The following ANO10 variants were observed in gnomAD, a reference collection of about 807,000 sequenced individuals.
ANO10 encodes the protein anoctamin 10, also known as anoctamin-10.
In ANO10, 77 loss-of-function variants were observed where a neutral mutation model predicts 74.7. The ratio of observed to expected loss-of-function variants is 1.03; its 90% confidence interval spans 0.86 to 1.25. The LOEUF (loss-of-function observed/expected upper bound fraction) is 1.25. Ranked by LOEUF, ANO10 falls within the 50% of genes most tolerant of loss-of-function variation. The pLI is 0.00. For missense variants in ANO10, 721 were observed against 778.1 expected (o/e 0.93, Z 0.87); for synonymous variants, 279 against 284.9 (o/e 0.98, Z 0.21).
At chr3:43,385,259 A>G (rs1160584195) in intron 12 of ANO10, among the ~76,000 whole-genome samples, 1 of 152,190 alleles carries the variant, frequency 6.6e-6, no homozygotes, top group Non-Finnish European at 1.5e-5. Context: ...AATAAAAAGT[A>G]ATAAATGTTG....
intron 11 of ANO10, among the ~76,000 whole-genome samples, chr3:43,510,248 G>C (rs1280803943): frequency 3.3e-5 from 5 of 152,016 alleles, no homozygotes; most frequent in African/African-American, 1.2e-4. Context: ...TGGCCAACAT[G>C]GTGAAACCCC....
chr3:43,489,565 T>C (rs1270114046), intron 11 of ANO10, among the ~76,000 whole-genome samples: 1 of 151,980 alleles, frequency 6.6e-6, no homozygotes, highest in African/African-American at 2.4e-5. Context: ...CCTTGGCCCT[T>C]AGGGTGACCA....
At chr3:43,393,954 C>G (rs957292742) in intron 12 of ANO10, among the ~76,000 whole-genome samples, 1 of 152,084 alleles carries the variant, frequency 6.6e-6, no homozygotes, top group African/African-American at 2.4e-5. Context: ...ATTTTTCTGC[C>G]CTATACATAA....
rs781638196 is a variant in ANO10 at position 43,598,513 on chromosome 3, G to C, written c.472+19C>G. The C allele has an allele frequency of 8.7e-6, 14 of 1,611,800 alleles. No individual in the cohort carries two copies. The highest frequency in any genetic ancestry group is 3.3e-4 in the Middle Eastern group (2 of 6,072). ...ATTTATGTCTATTAAGAAAAAGACT[G>C]GTTGACATAATGACTTACACAATGA... is the stretch of plus-strand genomic sequence containing the variant. On this transcript the variant is annotated intron_variant, in intron 4 of 12. Transcript: ENST00000292246.
chr3:43,396,619 G>A (rs774273781), intron 12 of ANO10, among the ~76,000 whole-genome samples: 3 of 152,078 alleles, frequency 2.0e-5, no homozygotes, highest in African/African-American at 7.2e-5. Flanking sequence ...TTACAGGTAT[G>A]AGCCACCGCA....
At chr3:43,375,132 A>C (rs1479668986) in intron 12 of ANO10, among the ~76,000 whole-genome samples, 4 of 150,620 alleles carry the variant, frequency 2.7e-5, no homozygotes, top group African/African-American at 9.8e-5. Flanking sequence ...AAAAAAAAAC[A>C]AACAACAAAA....
intron 11 of ANO10, among the ~76,000 whole-genome samples, chr3:43,543,326 G>A (rs1308854650): frequency 6.6e-6 from 1 of 152,168 alleles, no homozygotes; most frequent in East Asian, 1.9e-4. Context: ...ACCTGGAAAG[G>A]CTCAGTTCAT....
chr3:43,557,975 C>T (rs2079840391), intron 9 of ANO10, among the ~76,000 whole-genome samples: 1 of 151,178 alleles, frequency 6.6e-6, no homozygotes, highest in African/African-American at 2.4e-5. Flanking sequence ...CATGATGGTA[C>T]ATGCCTGTAG....
At chr3:43,423,878 T>C (rs2092857899) in intron 12 of ANO10, among the ~76,000 whole-genome samples, 1 of 152,138 alleles carries the variant, frequency 6.6e-6, no homozygotes, top group East Asian at 1.9e-4. Context: ...TACTACCTCA[T>C]TGTTATTACA....
intron 3 of ANO10, among the ~76,000 whole-genome samples, chr3:43,599,187 T>C (rs2082224847): frequency 6.6e-6 from 1 of 152,178 alleles, no homozygotes; most frequent in Admixed American, 6.5e-5. Flanking sequence ...TTAAATAAGG[T>C]AAATTTCCTC....
chr3:43,629,070 G>A (rs60422479), intron 1 of ANO10, among the ~76,000 whole-genome samples: 3,343 of 152,188 alleles, frequency 0.022, 108 homozygotes, highest in African/African-American at 0.075. Context: ...CTGGTTTTGC[G>A]GCTTGTGGGG....
intron 9 of ANO10, among the ~76,000 whole-genome samples, chr3:43,557,699 C>T (rs2079822618): frequency 7.2e-6 from 1 of 138,800 alleles, no homozygotes. Context: ...CGCACCACTG[C>T]ACTCCAGCCT....
chr3:43,490,903 AG>A (rs2149116471), intron 11 of ANO10, among the ~76,000 whole-genome samples: 1 of 152,282 alleles, frequency 6.6e-6, no homozygotes, highest in South Asian at 2.1e-4. Context: ...TGCCAGGGAA[AG>A]GCAGTCTCCT....
intron 12 of ANO10, among the ~76,000 whole-genome samples, chr3:43,404,881 A>AAG (rs2092548715): frequency 6.6e-6 from 1 of 150,886 alleles, no homozygotes; most frequent in African/African-American, 2.4e-5. Context: ...TGTCTCAAAA[A>AAG]AAAAAAAAAA....
At chr3:43,439,779 G>GA (rs2093131767) in intron 11 of ANO10, among the ~76,000 whole-genome samples, 1 of 152,092 alleles carries the variant, frequency 6.6e-6, no homozygotes, top group African/African-American at 2.4e-5. Context: ...TACTCGGGAG[G>GA]CTGGGGTGGG....
At chr3:43,549,921 T>A in intron 10 of ANO10, 73 bp from the exon 11 acceptor site, 1 of 1,556,966 alleles carries the variant, frequency 6.4e-7, no homozygotes, top group Non-Finnish European at 8.8e-7. Flanking sequence ...TTTCATGTTA[T>A]CTAAAAATCA....
chr3:43,391,405 T>A (rs1275802035), intron 12 of ANO10, among the ~76,000 whole-genome samples: 1 of 152,178 alleles, frequency 6.6e-6, no homozygotes, highest in Non-Finnish European at 1.5e-5. Context: ...ATTATTTCCA[T>A]GAGTTGGAAC....
intron 11 of ANO10, among the ~76,000 whole-genome samples, chr3:43,442,410 G>A (rs2093174183): frequency 6.6e-6 from 1 of 152,090 alleles, no homozygotes; most frequent in South Asian, 2.1e-4. Flanking sequence ...AAAGGAAATT[G>A]AGAACTCAAT....
chr3:43,461,061 C>T (rs1354578273), intron 11 of ANO10, among the ~76,000 whole-genome samples: 9 of 150,194 alleles, frequency 6.0e-5, no homozygotes, highest in East Asian at 2.0e-4. Flanking sequence ...AGAAATCAAT[C>T]GATAGAAGAA....
Sources: gnomAD v4.1 joint callset for allele counts (sites outside exome capture counted in the v4.1 genomes callset) on GRCh38, gnomAD v4.1.1 for gene constraint, MANE v1.5 for transcripts, NCBI Gene and HGNC (gene_info 2026-07-23, HGNC 2026-07-21) for gene names.